AKNAD1: variants seen among roughly 807,000 people sequenced by gnomAD.
AKNAD1 encodes the protein AKNA domain containing 1, also known as protein AKNAD1.
Under a neutral mutation model 90.8 loss-of-function variants are expected in AKNAD1, and 67 were observed. The observed-to-expected ratio is 0.74, with a 90% CI of 0.61 to 0.90. The LOEUF (loss-of-function observed/expected upper bound fraction) is 0.90, where lower values mean the gene tolerates loss of function less well. Ranked by LOEUF, AKNAD1 falls within the 40% of genes least tolerant of loss-of-function variation. The pLI, the probability that AKNAD1 is intolerant of heterozygous loss-of-function variation, is 0.00. For synonymous variants in AKNAD1, 327 were observed against 341.4 expected (o/e 0.96, Z 0.46); for missense variants, 957 against 975.4 (o/e 0.98, Z 0.25).
chr1:108,822,144 C>T (rs1663833663), intron 13 of AKNAD1, among the ~76,000 whole-genome samples: 1 of 152,138 alleles, frequency 6.6e-6, no homozygotes, highest in African/African-American at 2.4e-5. Context: ...TTAGAAAGCA[C>T]CACAGTGTCA....
rs1415231473 is a variant in AKNAD1 at position 108,848,992 on chromosome 1, A to G, written c.1102T>C (p.Ser368Pro). The G allele has an allele frequency of 2.5e-6, 4 of 1,611,978 alleles. No individual in the cohort carries two copies. The highest frequency in any genetic ancestry group is 3.4e-6 in the Non-Finnish European group (4 of 1,179,518). ...TSQKGTSSSS[S>P]YIFQKISQGK... ...TGGGATATCTTTTGAAATATGTAAG[A>G]AGAACTTGAGGAAGTGCCTTTCTGA... Residue 368 changes from serine (S) to proline (P), a missense_variant, in exon 4 of 16, where the codon TCT (serine) becomes CCT (proline). Transcript: ENST00000370001.
chr1:108,846,972 C>T (rs1424699668), intron 5 of AKNAD1, among the ~76,000 whole-genome samples: 1 of 152,084 alleles, frequency 6.6e-6, no homozygotes. Context: ...CTCTTCCCTT[C>T]CTCTCTTCAG....
At chr1:108,817,319 A>C (rs955827446) in intron 14 of AKNAD1, 142 bp from the exon 15 acceptor site, 1 of 1,051,496 alleles carries the variant, frequency 9.5e-7, no homozygotes, top group African/African-American at 1.6e-5. Context: ...CCTAGCTCTC[A>C]TACTCCCATG....
At position 108,843,212 on chromosome 1, in the gene AKNAD1, G is replaced by A; in HGVS notation, c.1301C>T (p.Thr434Ile). 2 of 1,614,172 alleles carry A rather than the reference G, an allele frequency of 1.2e-6. No individual in the cohort carries two copies. The highest frequency in any genetic ancestry group is 1.3e-5 in the African/African-American group (1 of 75,040). ...CTGCAAAGTCAGATGCTTGTCCTTG[G>A]TGGCCAGAAAGTTCTGCTCCAGCAG... ...LELLEQNFLA[T>I]KDKHLTLQQQ... is the part of the protein sequence containing the mutation. The change falls in exon 6 of 16, where the codon ACC (threonine) becomes ATC (isoleucine). Residue 434 changes from threonine to isoleucine, a missense_variant. Transcript: ENST00000370001.
At chr1:108,849,213 G>T (rs1664784385) in intron 3 of AKNAD1, among the ~76,000 whole-genome samples, 153 bp from the exon 4 acceptor site, 1 of 152,136 alleles carries the variant, frequency 6.6e-6, no homozygotes, top group Non-Finnish European at 1.5e-5. Context: ...AGGCACAGTG[G>T]CTCACACCTG....
rs769916637 is a variant in AKNAD1, at chr1:108,830,579, G to A, written c.1818C>T (p.Phe606=). The A allele has an allele frequency of 1.9e-6, 3 of 1,613,970 alleles. No individual in the cohort carries two copies. The African/African-American group carries it at 4.0e-5, about 22-fold the overall frequency. ...EMTAPSPSCA[F]CRRLLEWKQN... is the part of the protein sequence containing the mutation. ...CTCACCATTCAAGGAGCCTGCGACA[G>A]AAGGCACAGCTCGGACTGGGTGCCG... Residue 606 remains phenylalanine, a synonymous_variant, in exon 10 of 16, where the codon TTC becomes TTT. Transcript: ENST00000370001.
chr1:108,820,582 T>C lies in AKNAD1; in HGVS notation c.2212A>G (p.Lys738Glu), dbSNP rs1005297349. ...GGCTCATGTTCACCTTTAAAGGATT[T>C]TGAATTCACTCTCTGAGAACAGATC... ...KRICSQRVNS[K>E]SFKGEHEPTP... The change falls in exon 14 of 16, where the codon AAA (lysine) becomes GAA (glutamate). Residue 738 changes from lysine (K) to glutamate (E), a missense_variant. By Grantham distance (56) the Lys-to-Glu change is moderately conservative. Transcript: ENST00000370001. 1 of 1,611,440 alleles carries C rather than the reference T, an allele frequency of 6.2e-7. No homozygotes were observed. The highest frequency in any genetic ancestry group is 8.5e-7 in the Non-Finnish European group (1 of 1,178,146).
At chr1:108,818,963 C>CAAAAAA (rs56396425) in intron 14 of AKNAD1, among the ~76,000 whole-genome samples, 6 of 99,826 alleles carry the variant, frequency 6.0e-5, no homozygotes, top group East Asian at 6.0e-4. Flanking sequence ...AACTCCATCT[C>CAAAAAA]AAAAAAAAAA....
At chr1:108,823,760 C>T (rs906363416) in intron 11 of AKNAD1, 72 bp from the exon 12 acceptor site, 3 of 1,605,022 alleles carry the variant, frequency 1.9e-6, no homozygotes, top group Non-Finnish European at 1.7e-6. Flanking sequence ...GTGTGGAGAG[C>T]AGAGCTGTAA....
At chr1:108,835,152 C>T in intron 7 of AKNAD1, 96 bp from the exon 8 acceptor site, 1 of 1,390,862 alleles carries the variant, frequency 7.2e-7, no homozygotes. Flanking sequence ...CCCTAAGGCA[C>T]CATAACATCC....
At chr1:108,849,121 G>A (rs1435212498) in intron 3 of AKNAD1, 61 bp from the exon 4 acceptor site, 1 of 1,428,482 alleles carries the variant, frequency 7.0e-7, no homozygotes, top group Non-Finnish European at 9.3e-7. Context: ...GTTTTATTAA[G>A]TACTGAAAAC....
At chr1:108,831,699 A>T (rs1227961254) in intron 9 of AKNAD1, among the ~76,000 whole-genome samples, 1 of 128,532 alleles carries the variant, frequency 7.8e-6, no homozygotes, top group African/African-American at 3.2e-5. Flanking sequence ...GCTGGAGTGC[A>T]GTGGCCTAAT....
At chr1:108,844,455 TAGAG>T (rs1020909171) in intron 5 of AKNAD1, among the ~76,000 whole-genome samples, 1 of 150,582 alleles carries the variant, frequency 6.6e-6, no homozygotes, top group Non-Finnish European at 1.5e-5. Flanking sequence ...TATAGATAGA[TAGAG>T]AGAGAGAGAC....
chr1:108,841,986 A>C (rs1011676923), intron 6 of AKNAD1, among the ~76,000 whole-genome samples: 9 of 152,196 alleles, frequency 5.9e-5, no homozygotes, highest in Non-Finnish European at 1.5e-5. Context: ...CTTAATGTGC[A>C]CAGAAACCTG....
intron 13 of AKNAD1, among the ~76,000 whole-genome samples, 186 bp from the exon 14 acceptor site, chr1:108,820,812 A>G (rs568338197): frequency 4.5e-4 from 69 of 152,332 alleles, no homozygotes; most frequent in African/African-American, 1.5e-3. Flanking sequence ...CTGTAATCCC[A>G]GCACTTTGGG....
chr1:108,852,873 A>C, intron 1 of AKNAD1, 106 bp from the exon 2 acceptor site: 1 of 417,044 alleles, frequency 2.4e-6, no homozygotes, highest in South Asian at 9.7e-5. Flanking sequence ...TCAGTTACAA[A>C]CAGGAAGGCA....
At chr1:108,828,143 A>T (rs1316361312) in intron 10 of AKNAD1, among the ~76,000 whole-genome samples, 1 of 151,698 alleles carries the variant, frequency 6.6e-6, no homozygotes, top group Non-Finnish European at 1.5e-5. Context: ...GGAAGAAACT[A>T]TGCTATACGT....
At chr1:108,820,724 T>C in intron 13 of AKNAD1, 98 bp from the exon 14 acceptor site, 1 of 640,338 alleles carries the variant, frequency 1.6e-6, no homozygotes, top group Non-Finnish European at 2.7e-6. Context: ...GAATGAAATA[T>C]TTCATAAAAT....
At chr1:108,818,056 C>T (rs543973388) in intron 14 of AKNAD1, among the ~76,000 whole-genome samples, 1 of 152,222 alleles carries the variant, frequency 6.6e-6, no homozygotes, top group Admixed American at 6.5e-5. Context: ...GGCCACTGGG[C>T]TGTTAAGGTT....
Sources: allele counts gnomAD v4.1 joint callset (sites outside exome capture counted in the v4.1 genomes callset), GRCh38; gene constraint gnomAD v4.1.1; transcripts MANE v1.5; gene names NCBI Gene and HGNC (gene_info 2026-07-23, HGNC 2026-07-21).